PKD1: variants seen among roughly 807,000 people sequenced by gnomAD.
PKD1 encodes polycystin-1.
A neutral mutation model predicts 361.7 loss-of-function variants in PKD1; 81 were observed. That is an observed-to-expected ratio of 0.22 (90% CI 0.19 to 0.27). PKD1 has a LOEUF of 0.27. PKD1 is among the 10% of genes least tolerant of loss of function. PKD1 has a pLI of 1.00. For missense variants in PKD1, 6,399 were observed against 6,118.3 expected, an observed-to-expected ratio of 1.05 and a Z score of -1.53; for synonymous variants, 3,615 against 2,818.3, an observed-to-expected ratio of 1.28 and a Z score of -8.95.
chr16:2,095,608 C>A (rs1242915272), intron 34 of PKD1, among the ~76,000 whole-genome samples: 4 of 152,170 alleles, frequency 2.6e-5, no homozygotes, highest in African/African-American at 7.2e-5. Context: ...GCAGGGAAGG[C>A]CGTGCTCTGC....
In PKD1 at chr16:2,109,842, G is replaced by T; in HGVS notation, c.5325C>A (p.Gly1775=). 6.2e-7 allele frequency: 1 copy of T among 1,610,692 alleles called. No individual in the cohort carries two copies. The highest frequency in any genetic ancestry group is 1.1e-5 in the South Asian group (1 of 90,988). The change falls in exon 15 of 46, where the codon GGC becomes GGA. Residue 1775 remains glycine, a synonymous_variant. Transcript: ENST00000262304. ...CTGCCGTCATGGTGACCAAGTGCAG[G>T]CCGGGTGTGGGGAAGCTATGGGTGG... The part of the protein sequence containing the change: ...PFTTHSFPTP[G]LHLVTMTAGN...
In PKD1 at chr16:2,088,876, C is replaced by T. The variant is rs528508419; in HGVS notation, c.*851G>A. 55 of 485,084 alleles carry T rather than the reference C, an allele frequency of 1.1e-4. No homozygotes were observed. The highest frequency in any genetic ancestry group is 1.6e-4 in the African/African-American group (6 of 36,556). 30.0% of individuals were successfully genotyped at this position (485,084 alleles called of 1,614,324 possible). ...GCCATACAGCACACTCGCGCGTGCGCGCGCGCACACACACACACACACAGT... is the reference window on the plus strand; with the variant it reads ...GCCATACAGCACACTCGCGCGTGCGTGCGCGCACACACACACACACACAGT... On this transcript the variant is annotated 3_prime_UTR_variant, in exon 46 of 46. Transcript: ENST00000262304.
Position 2,106,219 on chromosome 16 carries a change from G to C in PKD1, c.7575C>G (p.Phe2525Leu). The C allele has an allele frequency of 6.2e-7, 1 of 1,610,260 alleles. No homozygotes were observed. Among genetic ancestry groups the C allele is most frequent in the Non-Finnish European group, 8.5e-7 (1 of 1,179,562 alleles). The change falls in exon 19 of 46, where the codon TTC (phenylalanine) becomes TTG (leucine). Residue 2525 changes from phenylalanine to leucine, a missense_variant. Phe to Leu is a conservative substitution (Grantham distance 22). Coordinates refer to ENST00000262304, the MANE Select transcript of PKD1 (RefSeq NM_001009944.3). This position sits in a 1 kb window ranked among gnomAD's most constrained non-coding sequence, Gnocchi z 6.5. The stretch of plus-strand genomic sequence containing the variant: ...TGGAGAGGCTGCCCTTGTAGACACA[G>C]AACTCCTCGCAGTGGCCCTGGCGAC... The part of the protein sequence containing the change: ...RRCRQGHCEE[F>L]CVYKGSLSSY...
At chr16:2,112,046 A>G (rs1368831193) in intron 14 of PKD1, among the ~76,000 whole-genome samples, 175 bp from the exon 15 acceptor site, 1 of 152,198 alleles carries the variant, frequency 6.6e-6, no homozygotes, top group Non-Finnish European at 1.5e-5. Flanking sequence ...AGCAGCACTG[A>G]GGGCTGCCTG....
At position 2,106,261 on chromosome 16, in the gene PKD1, G is replaced by A. The variant is rs759782819; in HGVS notation, c.7533C>T (p.Ala2511=). 1.4e-5 allele frequency: 22 copies of A among 1,610,106 alleles called. No individual in the cohort carries two copies. The highest frequency in any genetic ancestry group is 1.3e-4 in the Admixed American group (8 of 59,968). ...CCTGGCGACAGCGCCGCAGCAGCAG[G>A]GCGTACACCAGCGGGGCGCCAGCAT... is the stretch of plus-strand genomic sequence containing the variant. ...AEDAGAPLVY[A]LLLRRCRQGH... The change falls in exon 19 of 46, where the codon GCC becomes GCT. Residue 2511 remains alanine (A), a synonymous_variant. Transcript: ENST00000262304. The surrounding 1 kb of genome is among the most constrained non-coding windows in gnomAD (Gnocchi z 6.5).
intron 1 of PKD1, among the ~76,000 whole-genome samples, chr16:2,132,574 C>CAA (rs57615937): frequency 3.5e-4 from 15 of 43,194 alleles, no homozygotes; most frequent in African/African-American, 9.3e-4. Context: ...GACTCCGTCT[C>CAA]AAAAAAAAAA....
rs980518122 is a variant in PKD1 at position 2,089,627 on chromosome 16, T to C, written c.*100A>G. The C allele has an allele frequency of 3.5e-6, 5 of 1,417,872 alleles. No individual in the cohort carries two copies. The highest frequency in any genetic ancestry group is 2.5e-5 in the East Asian group (1 of 39,746). The allele number at this position is 1,417,872 out of a possible 1,614,324, so 87.8% of individuals were successfully genotyped here. On this transcript the variant is annotated 3_prime_UTR_variant, in exon 46 of 46. Transcript: ENST00000262304. ...CTGCCTGCTCTCTGGGGAACCTACG[T>C]GCAGCCATTCTGCCTGGCCCTCGGC... is the stretch of plus-strand genomic sequence containing the variant.
At chr16:2,094,689 C>T (rs866619438) in intron 34 of PKD1, 30 of 196,054 alleles carry the variant, frequency 1.5e-4, no homozygotes, top group African/African-American at 7.1e-4. Context: ...GTGTAGGGCT[C>T]CCTGAGGCCA....
intron 1 of PKD1, chr16:2,133,215 G>C (rs915925404): frequency 1.3e-5 from 2 of 149,884 alleles, no homozygotes; most frequent in African/African-American, 2.5e-5. Flanking sequence ...ACGAAGCTTC[G>C]AGCCACGCAG....
chr16:2,116,182 C>T, intron 8 of PKD1, 64 bp from the exon 9 acceptor site: 3 of 1,527,614 alleles, frequency 2.0e-6, no homozygotes, highest in Non-Finnish European at 2.7e-6. Context: ...CAGACTCCCC[C>T]TACCCGAACT....
intron 1 of PKD1, among the ~76,000 whole-genome samples, chr16:2,131,090 A>G (rs2092870985): frequency 6.6e-6 from 1 of 152,210 alleles, no homozygotes; most frequent in African/African-American, 2.4e-5. Context: ...GCACACACTC[A>G]CAGCACCACG....
Position 2,110,354 on chromosome 16 carries a change from C to T in PKD1, c.4813G>A (p.Gly1605Ser). ...GCCGTGACGATGATATTGAAGGTGC[C>T]CACGGAGCGGAAGGTGTAAGAGATG... ...PTISYTFRSV[G>S]TFNIIVTAEN... Residue 1605 changes from glycine to serine, a missense_variant, in exon 15 of 46, where the codon GGC becomes AGC. Physicochemically the swap from Gly to Ser is moderately conservative, Grantham distance 56. Transcript: ENST00000262304. The T allele has an allele frequency of 6.2e-7, 1 of 1,612,618 alleles. No homozygotes were observed. The highest frequency in any genetic ancestry group is 8.5e-7 in the Non-Finnish European group (1 of 1,179,846).
rs1352136449 is a variant in PKD1, at chr16:2,097,964, G to C, written c.10071C>G (p.Pro3357=). ...SRSKVAGSPS[P]TPAGQQVLDI... ...CCAGCACCTGCTGCCCGGCAGGTGTGGGGCTCGGGCTCCCAGCCACCTGCA... is the reference window on the plus strand; with the variant it reads ...CCAGCACCTGCTGCCCGGCAGGTGTCGGGCTCGGGCTCCCAGCCACCTGCA... Residue 3357 remains proline (P), a synonymous_variant, in exon 31 of 46, where the codon CCC becomes CCG. Transcript: ENST00000262304. 6.3e-7 allele frequency: 1 copy of C among 1,591,062 alleles called. No individual in the cohort carries two copies. Among genetic ancestry groups the C allele is most frequent in the Non-Finnish European group, 8.6e-7 (1 of 1,164,374 alleles).
chr16:2,117,641 C>T lies in PKD1; in HGVS notation c.1233G>A (p.Glu411=), dbSNP rs747641673. The change falls in exon 6 of 46, where the codon GAG becomes GAA. Residue 411 remains glutamate (E), a synonymous_variant. Coordinates refer to ENST00000262304, the MANE Select transcript of PKD1 (RefSeq NM_001009944.3). ...AGCAGTGCCCGTTGCCAGGGAAGAT[C>T]TCCGTGTCCGAGGGGCAGAGCGGGT... The part of the protein sequence containing the change: ...AVHPLCPSDT[E]IFPGNGHCYR... 1.2e-6 allele frequency: 2 copies of T among 1,610,654 alleles called. No homozygotes were observed. Among genetic ancestry groups the T allele is most frequent in the East Asian group, 2.2e-5 (1 of 44,878 alleles).
intron 8 of PKD1, 109 bp from the exon 9 acceptor site, chr16:2,116,227 T>A: frequency 1.7e-6 from 2 of 1,193,480 alleles, no homozygotes; most frequent in Non-Finnish European, 2.4e-6. Flanking sequence ...GAGCGAGCCA[T>A]CAGACCCCCA....
Position 2,108,667 on chromosome 16 carries a change from T to C in PKD1, c.6500A>G (p.Asn2167Ser). 4 of 1,565,680 alleles carry C rather than the reference T, an allele frequency of 2.6e-6. No homozygotes were observed. The highest frequency in any genetic ancestry group is 1.2e-5 in the South Asian group (1 of 85,542). ...LQVLMRRSQR[N>S]YLEAHVDLRD... ...CAGGTCAACGTGGGCCTCCAAGTAGTTGCGCTGTGATCGCCGCATCAGCAC... is the reference window on the plus strand; with the variant it reads ...CAGGTCAACGTGGGCCTCCAAGTAGCTGCGCTGTGATCGCCGCATCAGCAC... The change falls in exon 15 of 46, where the codon AAC becomes AGC. Residue 2167 changes from asparagine to serine, a missense_variant. By Grantham distance (46) the Asn-to-Ser change is conservative (BLOSUM62 1). Transcript: ENST00000262304.
chr16:2,121,897 C>A (rs927666483), intron 1 of PKD1, among the ~76,000 whole-genome samples: 1 of 152,214 alleles, frequency 6.6e-6, no homozygotes, highest in Non-Finnish European at 1.5e-5. Flanking sequence ...CTCTTCCCAG[C>A]AATGACCACC....
intron 23 of PKD1, 33 bp from the exon 24 acceptor site, chr16:2,103,003 G>A (rs372351918): frequency 1.2e-4 from 186 of 1,597,994 alleles, no homozygotes; most frequent in Non-Finnish European, 1.4e-4. Flanking sequence ...CACGCCTGCC[G>A]GGAAGCTCAA....
intron 1 of PKD1, among the ~76,000 whole-genome samples, chr16:2,124,510 C>T (rs933099357): frequency 6.6e-6 from 1 of 152,346 alleles, no homozygotes; most frequent in African/African-American, 2.4e-5. Flanking sequence ...GGGAATGCAA[C>T]AGTGGGACTG....
Sources: gnomAD v4.1 joint callset for allele counts (sites outside exome capture counted in the v4.1 genomes callset) on GRCh38, gnomAD v4.1.1 for gene constraint, Gnocchi (gnomAD v3.1) non-coding constraint, MANE v1.5 for transcripts, NCBI Gene and HGNC (gene_info 2026-07-23, HGNC 2026-07-21) for gene names.